Variants in DCTN2 observed in about 807,000 individuals in gnomAD.
DCTN2 encodes the protein 50 kDa dynein-associated polypeptide.
In DCTN2, 18 loss-of-function variants were observed where a neutral mutation model predicts 55.4. The ratio of observed to expected loss-of-function variants is 0.32; its 90% confidence interval spans 0.22 to 0.48. The LOEUF is 0.48. Among genes scored for constraint, DCTN2 ranks in the 20% least tolerant of loss-of-function variants. The probability of loss-of-function intolerance (pLI) is 0.99; values close to 1 mark genes in which losing one functional copy is unlikely to be tolerated. For synonymous variants in DCTN2, 168 were observed against 185.2 expected (o/e 0.91, Z 0.76); for missense variants, 390 against 491.0 (o/e 0.79, Z 1.94).
Position 57,546,033 on chromosome 12 carries a change from C to T in DCTN2, c.100G>A (p.Asp34Asn), listed in dbSNP as rs1881122298. ...DLPEDDQAEF[D>N]AEELTSTSVE... ...GTGGCAGCACACATTCTTACCGCAT[C>T]GAACTCCGCTTGATCATCCTCAGGT... The change falls in exon 2 of 14, where the codon GAT becomes AAT. Residue 34 changes from aspartate (D) to asparagine (N), a missense_variant. Around this residue, in one of 2 missense-constraint regions of DCTN2, gnomAD observed 117 missense variants for 187.8 expected, o/e 0.62. Transcript: ENST00000548249. The T allele has an allele frequency of 1.9e-6, 3 of 1,613,652 alleles. No homozygotes were observed. The highest frequency in any genetic ancestry group is 1.3e-5 in the African/African-American group (1 of 74,868).
chr12:57,539,277 T>C (rs897590072), intron 2 of DCTN2, among the ~76,000 whole-genome samples: 1 of 152,192 alleles, frequency 6.6e-6, no homozygotes, highest in Non-Finnish European at 1.5e-5. Flanking sequence ...CCACCTTGAG[T>C]GGCTGGTAAC....
At chr12:57,534,984 T>C (rs1168710045) in intron 5 of DCTN2, 72 bp downstream of exon 5, 13 of 1,337,124 alleles carry the variant, frequency 9.7e-6, no homozygotes, top group Admixed American at 2.0e-5. Context: ...AGGGAATCTT[T>C]CTCTTCTTGC....
chr12:57,530,523 A>AT lies in DCTN2; in HGVS notation c.*165dup, dbSNP rs1879568128. Reference sequence around the variant, plus strand: ...AACCAACCCCTAGCTACCACTCTGTATTCATCAGGGGAGGGGTATAAACCC... The same window carrying AT: ...AACCAACCCCTAGCTACCACTCTGTATTTCATCAGGGGAGGGGTATAAACCC... On this transcript the variant is annotated 3_prime_UTR_variant, in exon 14 of 14. Transcript: ENST00000548249. 1.7e-6 allele frequency: 1 copy of AT among 582,834 alleles called. No homozygotes were observed. The highest frequency in any genetic ancestry group is 1.9e-5 in the African/African-American group (1 of 53,602). The allele number at this position is 582,834 out of a possible 1,614,324, so 36.1% of individuals were successfully genotyped here.
In DCTN2 at chr12:57,547,131, G is replaced by A. The variant is rs1051988577; in HGVS notation, c.-68C>T. On this transcript the variant is annotated 5_prime_UTR_variant, in exon 1 of 14. Transcript: ENST00000548249. ...CCGGGGCCGGTGTTCGGGTAGGGGA[G>A]AGGCTGGGTTCGGGTCCCGGGCTAA... is the stretch of plus-strand genomic sequence containing the variant. 1 of 1,230,306 alleles carries A rather than the reference G, an allele frequency of 8.1e-7. No homozygotes were observed. Among genetic ancestry groups the A allele is most frequent in the East Asian group, 3.2e-5 (1 of 31,702 alleles). The allele number at this position is 1,230,306 out of a possible 1,614,324, so 76.2% of individuals were successfully genotyped here. A position where few individuals can be genotyped will look rare whatever the true frequency, so the allele number is the denominator to read the frequency against.
At chr12:57,544,062 G>C (rs1355485834) in intron 2 of DCTN2, 1 of 432,840 alleles carries the variant, frequency 2.3e-6, no homozygotes, top group East Asian at 7.0e-5. Flanking sequence ...GAAACTACCT[G>C]TTTGTATCAC....
chr12:57,532,939 C>A, intron 9 of DCTN2, 45 bp downstream of exon 9: 1 of 1,597,818 alleles, frequency 6.3e-7, no homozygotes. Context: ...CCAAACCCAA[C>A]TATCCCCTCT....
At chr12:57,533,443 T>TA in intron 7 of DCTN2, 140 bp from the exon 8 acceptor site, 1 of 821,164 alleles carries the variant, frequency 1.2e-6, no homozygotes, top group Non-Finnish European at 2.1e-6. Flanking sequence ...GCCACAATCT[T>TA]AAAATCCTAA....
intron 8 of DCTN2, 75 bp downstream of exon 8, chr12:57,533,163 T>C: frequency 1.3e-6 from 2 of 1,580,360 alleles, no homozygotes; most frequent in Non-Finnish European, 1.7e-6. Flanking sequence ...CCCAGGCTTA[T>C]GTGGAATGTT....
chr12:57,530,951 C>G (rs117846281), intron 13 of DCTN2, among the ~76,000 whole-genome samples, 176 bp from the exon 14 acceptor site: 223 of 152,290 alleles, frequency 1.5e-3, no homozygotes, highest in South Asian at 3.3e-3. Flanking sequence ...ATAGACCACG[C>G]TTGGGGTGAG....
At chr12:57,542,836 C>G (rs2140136596) in intron 2 of DCTN2, 1 of 455,458 alleles carries the variant, frequency 2.2e-6, no homozygotes, top group South Asian at 1.6e-5. Context: ...AAAAAGAAAT[C>G]TGGAGACCCC....
chr12:57,542,437 C>T (rs983742796), intron 2 of DCTN2, among the ~76,000 whole-genome samples: 2 of 152,180 alleles, frequency 1.3e-5, no homozygotes, highest in African/African-American at 4.8e-5. Flanking sequence ...CCTTTAGTAG[C>T]CCAATTTCTT....
intron 2 of DCTN2, among the ~76,000 whole-genome samples, chr12:57,544,683 AC>A (rs1390657365): frequency 6.6e-6 from 1 of 152,064 alleles, no homozygotes; most frequent in Non-Finnish European, 1.5e-5. Flanking sequence ...ATGAATCACC[AC>A]ACTGGGCCTA....
At chr12:57,536,659 CAG>C in intron 2 of DCTN2, among the ~76,000 whole-genome samples, 1 of 152,296 alleles carries the variant, frequency 6.6e-6, no homozygotes, top group Admixed American at 6.5e-5. Context: ...CTTCCAAAAA[CAG>C]GGGACACAAG....
intron 7 of DCTN2, among the ~76,000 whole-genome samples, chr12:57,533,688 G>A (rs562033196): frequency 2.0e-5 from 3 of 151,614 alleles, no homozygotes; most frequent in South Asian, 2.1e-4. Context: ...GGAGAATGGC[G>A]TGAACCCGGG....
chr12:57,546,728 T>C (rs1401822639), intron 1 of DCTN2, among the ~76,000 whole-genome samples: 1 of 151,694 alleles, frequency 6.6e-6, no homozygotes. Flanking sequence ...GGGGGGGACA[T>C]GGGAGGCGTT....
intron 2 of DCTN2, chr12:57,542,934 T>C: frequency 2.2e-6 from 1 of 456,058 alleles, no homozygotes; most frequent in Non-Finnish European, 4.4e-6. Flanking sequence ...AGGCAGATTT[T>C]TCACTACTTA....
rs1210847722 is a variant in DCTN2 at position 57,535,766 on chromosome 12, A to T, written c.185T>A (p.Val62Glu). 1.2e-6 allele frequency: 2 copies of T among 1,613,360 alleles called. No individual in the cohort carries two copies. The highest frequency in any genetic ancestry group is 2.7e-5 in the African/African-American group (2 of 74,770). Residue 62 changes from valine (V) to glutamate (E), a missense_variant, in exon 3 of 14, where the codon GTG becomes GAG. Coordinates refer to ENST00000548249, the MANE Select transcript of DCTN2 (RefSeq NM_001261413.2). ...AGTCTCACCAAGTCCCTTTGTCCCC[A>T]CTCTCTTGTCCTTGAACTTGTCATA... ...AAYDKFKDKRVGTKGLDFSDR... is the reference protein window; with the variant it reads ...AAYDKFKDKREGTKGLDFSDR...
intron 2 of DCTN2, among the ~76,000 whole-genome samples, chr12:57,539,063 T>C (rs1254687488): frequency 2.0e-5 from 3 of 152,110 alleles, no homozygotes; most frequent in Non-Finnish European, 2.9e-5. Flanking sequence ...AATTAGACAT[T>C]TGGATGGCAG....
chr12:57,533,881 G>C, intron 7 of DCTN2, 72 bp downstream of exon 7: 1 of 1,472,896 alleles, frequency 6.8e-7, no homozygotes, highest in Non-Finnish European at 9.1e-7. Context: ...CCCTCTCCTT[G>C]GAGAGAGGCA....
Sources: allele counts gnomAD v4.1 joint callset (sites outside exome capture counted in the v4.1 genomes callset), GRCh38; gene constraint gnomAD v4.1.1; regional missense constraint gnomAD v4.1.1; transcripts MANE v1.5; gene names NCBI Gene and HGNC (gene_info 2026-07-23, HGNC 2026-07-21).